Variants in LIPI observed in about 807,000 individuals in gnomAD.
LIPI encodes lipase member I.
In LIPI, 59 loss-of-function variants were observed where a neutral mutation model predicts 50.6. That is an observed-to-expected ratio of 1.16 (90% CI 0.94 to 1.45). The LOEUF (loss-of-function observed/expected upper bound fraction) is 1.45, where lower values mean the gene tolerates loss of function less well. Among genes scored for constraint, LIPI ranks in the 40% most tolerant of loss-of-function variants. The pLI is 0.00. For missense variants in LIPI, 586 were observed against 536.3 expected, an observed-to-expected ratio of 1.09 and a Z score of -0.92; for synonymous variants, 203 against 178.2, an observed-to-expected ratio of 1.14 and a Z score of -1.11.
chr21:14,139,018 T>C (rs1026293209), intron 9 of LIPI, among the ~76,000 whole-genome samples: 3 of 152,122 alleles, frequency 2.0e-5, no homozygotes, highest in Non-Finnish European at 4.4e-5. Flanking sequence ...AGTAATTAGC[T>C]GAACTGAAAT....
chr21:14,130,030 G>A (rs551564909), intron 9 of LIPI, among the ~76,000 whole-genome samples: 1 of 152,262 alleles, frequency 6.6e-6, no homozygotes, highest in African/African-American at 2.4e-5. Flanking sequence ...GGTGGAGAGT[G>A]ACAGTGGAGG....
At chr21:14,200,551 G>C (rs1436268384) in intron 1 of LIPI, among the ~76,000 whole-genome samples, 1 of 151,928 alleles carries the variant, frequency 6.6e-6, no homozygotes, top group Non-Finnish European at 1.5e-5. Context: ...TAACTAACTA[G>C]GGTAGTGAAA....
intron 5 of LIPI, among the ~76,000 whole-genome samples, chr21:14,166,092 T>C (rs2123161871): frequency 6.6e-6 from 1 of 152,322 alleles, no homozygotes; most frequent in South Asian, 2.1e-4. Context: ...CTCAATGACT[T>C]ACGACTTCTC....
At position 14,181,789 on chromosome 21, in the gene LIPI, C is replaced by A. The variant is rs1198535396; in HGVS notation, c.612G>T (p.Lys204Asn). ...PYSRLDYTDAKFVDVIHSDSN... is the reference protein window; with the variant it reads ...PYSRLDYTDANFVDVIHSDSN... ...AGTCAGAATGGATGACATCCACAAACTTTGCATCCGTGTAATCTAATCTGC... is the reference window on the plus strand; with the variant it reads ...AGTCAGAATGGATGACATCCACAAAATTTGCATCCGTGTAATCTAATCTGC... Residue 204 changes from lysine (K) to asparagine (N), a missense_variant, in exon 4 of 10, where the codon AAG becomes AAT. Coordinates refer to ENST00000681601, the MANE Select transcript of LIPI (RefSeq NM_001302998.2). 6.2e-7 allele frequency: 1 copy of A among 1,611,804 alleles called. No homozygotes were observed. The highest frequency in any genetic ancestry group is 1.1e-5 in the South Asian group (1 of 91,012).
chr21:14,152,771 T>C, intron 7 of LIPI, 87 bp from the exon 8 acceptor site: 1 of 650,306 alleles, frequency 1.5e-6, no homozygotes, highest in East Asian at 2.8e-5. Context: ...TATGTGTATG[T>C]ATAGATAGAT....
In LIPI at chr21:14,130,616, C is replaced by T. The variant is rs572597713; in HGVS notation, c.1295+14007G>A. Among the ~76,000 whole-genome samples the T allele has an allele frequency of 7.9e-5, 12 of 152,338 alleles. No individual in the cohort carries two copies. The South Asian group carries it at 1.2e-3, about 16-fold the overall frequency. On this transcript the variant is annotated intron_variant, in intron 9 of 9. Coordinates refer to ENST00000681601, the MANE Select transcript of LIPI (RefSeq NM_001302998.2). ...GCCCTCTCTGGTCACAAGCCCACAC[C>T]TAGCATCATTTTGAGAGTTTAGTGA...
intron 4 of LIPI, among the ~76,000 whole-genome samples, chr21:14,179,687 T>C (rs4263189): frequency 0.043 from 6,609 of 152,210 alleles, 172 homozygotes; most frequent in African/African-American, 0.071. Flanking sequence ...AATAATACTT[T>C]TATAACTTCT....
chr21:14,184,075 C>T (rs1309231154), intron 3 of LIPI, among the ~76,000 whole-genome samples: 4 of 152,136 alleles, frequency 2.6e-5, no homozygotes, highest in African/African-American at 9.7e-5. Flanking sequence ...TGGAACCAAC[C>T]TAAATGTCCA....
chr21:14,156,851 A>G (rs1412670476), intron 7 of LIPI, among the ~76,000 whole-genome samples: 2 of 151,892 alleles, frequency 1.3e-5, no homozygotes, highest in South Asian at 2.1e-4. Context: ...GGCAGAGAAA[A>G]TACACATTAC....
chr21:14,152,859 C>A (rs1332532615), intron 7 of LIPI, among the ~76,000 whole-genome samples, 175 bp from the exon 8 acceptor site: 1 of 151,920 alleles, frequency 6.6e-6, no homozygotes, highest in East Asian at 1.9e-4. Flanking sequence ...ATATATTTTA[C>A]CTTTTGTTTG....
chr21:14,117,012 A>AC (rs1225848357), intron 9 of LIPI, among the ~76,000 whole-genome samples: 2 of 152,070 alleles, frequency 1.3e-5, no homozygotes, highest in Admixed American at 6.6e-5. Context: ...AGAGGAGAGT[A>AC]CCCCCCAAAC....
chr21:14,186,677 A>G lies in LIPI; in HGVS notation c.433-608T>C, dbSNP rs554739349. 5.3e-5 allele frequency among the ~76,000 whole-genome samples: 8 copies of G among 152,264 alleles called. No individual in the cohort carries two copies. The South Asian group carries it at 1.7e-3, about 32-fold the overall frequency. On this transcript the variant is annotated intron_variant, in intron 2 of 9. Transcript: ENST00000681601. ...GAATTCTAATCCCCAAGGTGATGAT[A>G]TTTGGAGGTGAGGCCTTCTTGTGGG...
intron 5 of LIPI, 72 bp from the exon 6 acceptor site, chr21:14,165,462 T>A: frequency 8.5e-6 from 10 of 1,182,278 alleles, no homozygotes; most frequent in South Asian, 1.3e-5. Context: ...AAAAACAAAG[T>A]AAAGATGAAG....
In LIPI at chr21:14,189,236, A is replaced by G; in HGVS notation, c.230T>C (p.Val77Ala). 6.2e-7 allele frequency: 1 copy of G among 1,614,006 alleles called. No homozygotes were observed. ...TGGTCTGTATCCGTGAATAAGCCAGACTGTTTTCTTTTGTGTGTTGAAATT... is the reference window on the plus strand; with the variant it reads ...TGGTCTGTATCCGTGAATAAGCCAGGCTGTTTTCTTTTGTGTGTTGAAATT... ...NVNFNTQKKT[V>A]WLIHGYRPVG... The change falls in exon 2 of 10, where the codon GTC (valine) becomes GCC (alanine). Residue 77 changes from valine (V) to alanine (A), a missense_variant. Val to Ala is a moderately conservative substitution (Grantham distance 64). Transcript: ENST00000681601.
intron 3 of LIPI, among the ~76,000 whole-genome samples, chr21:14,182,546 G>A (rs1208120760): frequency 6.6e-6 from 1 of 152,124 alleles, no homozygotes; most frequent in Non-Finnish European, 1.5e-5. Context: ...AAAGATATTT[G>A]AAAGTAAAAT....
chr21:14,113,800 C>A (rs1815887668), intron 9 of LIPI, among the ~76,000 whole-genome samples: 1 of 152,178 alleles, frequency 6.6e-6, no homozygotes. Context: ...CTTGGAAGGC[C>A]TCAGGAAACT....
At chr21:14,173,636 A>G (rs1046572162) in intron 4 of LIPI, among the ~76,000 whole-genome samples, 1 of 152,382 alleles carries the variant, frequency 6.6e-6, no homozygotes, top group South Asian at 2.1e-4. Context: ...TAGATTTAGC[A>G]TAAAACAAAG....
intron 1 of LIPI, among the ~76,000 whole-genome samples, chr21:14,205,216 T>C (rs1014798349): frequency 6.6e-6 from 1 of 151,850 alleles, no homozygotes; most frequent in African/African-American, 2.4e-5. Context: ...CATTGACTAC[T>C]AACATCAATG....
chr21:14,142,046 C>A (rs568897477), intron 9 of LIPI, among the ~76,000 whole-genome samples: 1 of 152,254 alleles, frequency 6.6e-6, no homozygotes, highest in Admixed American at 6.5e-5. Context: ...GGGACAACAA[C>A]CCCTGTTACA....
Sources: gnomAD v4.1 joint callset for allele counts (sites outside exome capture counted in the v4.1 genomes callset) on GRCh38, gnomAD v4.1.1 for gene constraint, MANE v1.5 for transcripts, NCBI Gene and HGNC (gene_info 2026-07-23, HGNC 2026-07-21) for gene names.